CCDC91: variants seen among roughly 807,000 people sequenced by gnomAD.
CCDC91 encodes the protein coiled-coil domain-containing protein 91.
A neutral mutation model predicts 63.2 loss-of-function variants in CCDC91; 48 were observed. The observed-to-expected ratio is 0.76, with a 90% CI of 0.60 to 0.97. The LOEUF is 0.97. Ranked by LOEUF, CCDC91 falls within the 50% of genes least tolerant of loss-of-function variation. The pLI, the probability that CCDC91 is intolerant of heterozygous loss-of-function variation, is 0.00. For missense variants in CCDC91, 500 were observed against 494.6 expected (o/e 1.01, Z -0.10); for synonymous variants, 167 against 165.8 (o/e 1.01, Z -0.06).
At chr12:28,491,664 TA>T (rs2141002789) in intron 12 of CCDC91, among the ~76,000 whole-genome samples, 1 of 151,900 alleles carries the variant, frequency 6.6e-6, no homozygotes, top group South Asian at 2.1e-4. Context: ...TTTGGTTTCT[TA>T]AAAGAATAAG....
chr12:28,329,483 A>T (rs1941309065), intron 6 of CCDC91, among the ~76,000 whole-genome samples: 1 of 152,126 alleles, frequency 6.6e-6, no homozygotes, highest in Admixed American at 6.6e-5. Flanking sequence ...TTAATTTTAT[A>T]TGATAAGGTC....
At chr12:28,452,098 A>G (rs1949833037) in intron 10 of CCDC91, among the ~76,000 whole-genome samples, 1 of 151,448 alleles carries the variant, frequency 6.6e-6, no homozygotes, top group African/African-American at 2.4e-5. Flanking sequence ...TTTTAAATGA[A>G]TTAATAATTT....
chr12:28,452,578 C>A lies in CCDC91; in HGVS notation c.1025C>A (p.Thr342Lys). The A allele has an allele frequency of 6.3e-7, 1 of 1,588,090 alleles. No homozygotes were observed. The highest frequency in any genetic ancestry group is 1.2e-5 in the South Asian group (1 of 85,982). Residue 342 changes from threonine (T) to lysine (K), a missense_variant, in exon 11 of 13, where the codon ACA (threonine) becomes AAA (lysine). By Grantham distance (78) the Thr-to-Lys change is moderately conservative. Coordinates refer to ENST00000536442, the MANE Select transcript of CCDC91 (RefSeq NM_018318.5). ...AHAEERELWK[T>K]EHAKDQEKVS... ...GCTGAAGAAAGGGAATTATGGAAGA[C>A]AGAACATGCAAAAGATCAAGAAAAA...
intron 11 of CCDC91, among the ~76,000 whole-genome samples, chr12:28,479,182 T>C (rs777446561): frequency 2.6e-5 from 4 of 152,162 alleles, no homozygotes; most frequent in Non-Finnish European, 4.4e-5. Flanking sequence ...TTGGTGGCAC[T>C]ATTCACAATA....
intron 8 of CCDC91, among the ~76,000 whole-genome samples, chr12:28,445,563 T>G (rs1401940398): frequency 6.6e-6 from 1 of 152,198 alleles, no homozygotes; most frequent in Admixed American, 6.5e-5. Context: ...TGTATAGCTC[T>G]GAAAACAAGA....
At chr12:28,514,690 T>C (rs968214091) in intron 12 of CCDC91, among the ~76,000 whole-genome samples, 9 of 151,932 alleles carry the variant, frequency 5.9e-5, no homozygotes, top group African/African-American at 2.2e-4. Flanking sequence ...GGGTCCAGTT[T>C]CAGTCTTCTC....
intron 1 of CCDC91, chr12:28,198,843 TTAC>T (rs1286074863): frequency 6.6e-6 from 1 of 152,156 alleles, no homozygotes; most frequent in African/African-American, 2.4e-5. Context: ...CATTCCTTAA[TTAC>T]TACATTATTG....
intron 3 of CCDC91, among the ~76,000 whole-genome samples, chr12:28,286,618 G>A (rs1184173697): frequency 6.6e-6 from 1 of 152,186 alleles, no homozygotes; most frequent in Non-Finnish European, 1.5e-5. Flanking sequence ...TCCACTGATG[G>A]CCATTTAGGT....
intron 11 of CCDC91, among the ~76,000 whole-genome samples, chr12:28,463,440 A>T (rs769642264): frequency 3.3e-5 from 5 of 152,204 alleles, no homozygotes; most frequent in Non-Finnish European, 7.3e-5. Flanking sequence ...TTTTTTATGG[A>T]AGATGAACTG....
At chr12:28,225,878 CAT>C (rs972363508) in intron 1 of CCDC91, 5 of 152,196 alleles carry the variant, frequency 3.3e-5, no homozygotes, top group Admixed American at 6.5e-5. Context: ...CTAAGTGAAA[CAT>C]AGTAATTCCT....
At chr12:28,339,283 G>C (rs1942243837) in intron 6 of CCDC91, among the ~76,000 whole-genome samples, 1 of 152,184 alleles carries the variant, frequency 6.6e-6, no homozygotes, top group African/African-American at 2.4e-5. Flanking sequence ...AAATCTGAGG[G>C]AAGAAAATGT....
intron 6 of CCDC91, among the ~76,000 whole-genome samples, chr12:28,311,577 C>T (rs1228566903): frequency 6.6e-6 from 1 of 151,988 alleles, no homozygotes; most frequent in South Asian, 2.1e-4. Flanking sequence ...AAAAGGTGAG[C>T]AGTGTGTCTT....
intron 1 of CCDC91, among the ~76,000 whole-genome samples, chr12:28,209,245 A>C (rs1182661685): frequency 6.6e-6 from 1 of 152,228 alleles, no homozygotes; most frequent in African/African-American, 2.4e-5. Context: ...TTTGACCATA[A>C]GGTGAGATTC....
At chr12:28,240,913 G>A (rs1315453837) in intron 1 of CCDC91, among the ~76,000 whole-genome samples, 3 of 152,108 alleles carry the variant, frequency 2.0e-5, no homozygotes, top group African/African-American at 4.8e-5. Context: ...CTTATAGGAG[G>A]TATATATTTA....
intron 1 of CCDC91, among the ~76,000 whole-genome samples, chr12:28,240,880 A>C (rs1945282602): frequency 6.6e-6 from 1 of 152,206 alleles, no homozygotes; most frequent in Non-Finnish European, 1.5e-5. Flanking sequence ...TGGGATAAAT[A>C]CCTAGGAGTA....
At chr12:28,486,250 G>A (rs1214503021) in intron 12 of CCDC91, among the ~76,000 whole-genome samples, 1 of 152,122 alleles carries the variant, frequency 6.6e-6, no homozygotes, top group Non-Finnish European at 1.5e-5. Context: ...TTCTGTGACT[G>A]GCTTATTTCA....
At chr12:28,242,036 A>G (rs1565659664) in intron 1 of CCDC91, among the ~76,000 whole-genome samples, 1 of 150,280 alleles carries the variant, frequency 6.7e-6, no homozygotes, top group Admixed American at 6.6e-5. Context: ...AAAAACTCAT[A>G]TTAGGACTGA....
At chr12:28,380,762 A>G (rs1277922754) in intron 7 of CCDC91, among the ~76,000 whole-genome samples, 1 of 152,144 alleles carries the variant, frequency 6.6e-6, no homozygotes, top group African/African-American at 2.4e-5. Flanking sequence ...AACAATATCA[A>G]TCAATATAAT....
chr12:28,220,449 C>G (rs557256782), intron 1 of CCDC91, among the ~76,000 whole-genome samples: 1 of 151,890 alleles, frequency 6.6e-6, no homozygotes, highest in Non-Finnish European at 1.5e-5. Context: ...ATAAAGCCAA[C>G]AATATGTTTT....
Sources: gnomAD v4.1 joint callset for allele counts (sites outside exome capture counted in the v4.1 genomes callset) on GRCh38, gnomAD v4.1.1 for gene constraint, MANE v1.5 for transcripts, NCBI Gene and HGNC (gene_info 2026-07-23, HGNC 2026-07-21) for gene names.